Variants in THBS2 observed in about 807,000 individuals in gnomAD.
THBS2 encodes the protein thrombospondin-2.
THBS2 carries 47 observed loss-of-function variants against 135.2 expected under a neutral mutation model. The observed-to-expected ratio is 0.35, with a 90% CI of 0.28 to 0.44. The LOEUF (loss-of-function observed/expected upper bound fraction) is 0.44. Among genes scored for constraint, THBS2 ranks in the 20% least tolerant of loss-of-function variants. The probability of loss-of-function intolerance (pLI) is 1.00; values close to 1 mark genes in which losing one functional copy is unlikely to be tolerated. For missense variants in THBS2, 1,288 were observed against 1,603.1 expected, an observed-to-expected ratio of 0.80 and a Z score of 3.36; for synonymous variants, 639 against 633.8, an observed-to-expected ratio of 1.01 and a Z score of -0.12.
intron 20 of THBS2, 31 bp downstream of exon 20, chr6:169,221,399 A>G: frequency 5.0e-6 from 8 of 1,601,622 alleles, no homozygotes; most frequent in Non-Finnish European, 6.8e-6. Context: ...AGCCCCTTGG[A>G]AGAAATGCAG....
rs754701790 is a variant in THBS2, at chr6:169,237,222, A to G, written c.1425T>C (p.Asn475=). 1 of 1,612,986 alleles carries G rather than the reference A, an allele frequency of 6.2e-7. No homozygotes were observed. Among genetic ancestry groups the G allele is most frequent in the Non-Finnish European group, 8.5e-7 (1 of 1,179,976 alleles). The part of the protein sequence containing the change: ...NSPVPQMGGK[N]CKGSGRETKA... ...TGGTCTCCCGGCCACTCCCTTTGCA[A>G]TTCTTGCCCCCCATCTGGGGCACTG... The change falls in exon 9 of 22, where the codon AAT becomes AAC. Residue 475 remains asparagine (N), a synonymous_variant. Transcript: ENST00000617924.
In THBS2 at chr6:169,217,440, G is replaced by A. The variant is rs1779215301; in HGVS notation, c.*382C>T. The stretch of plus-strand genomic sequence containing the variant: ...TTTTCATGCTTAATTTATCATAATG[G>A]CTTATGCACAGTATTCCCTTCAACT... On this transcript the variant is annotated 3_prime_UTR_variant, in exon 22 of 22. Coordinates refer to ENST00000617924, the MANE Select transcript of THBS2 (RefSeq NM_003247.5). 1 of 218,120 alleles carries A rather than the reference G, an allele frequency of 4.6e-6. No homozygotes were observed. The highest frequency in any genetic ancestry group is 2.3e-5 in the African/African-American group (1 of 44,160). 13.5% of individuals were successfully genotyped at this position (218,120 alleles called of 1,614,324 possible). A position where few individuals can be genotyped will look rare whatever the true frequency, so the allele number is the denominator to read the frequency against.
intron 12 of THBS2, 101 bp downstream of exon 12, chr6:169,232,563 G>C: frequency 6.6e-7 from 1 of 1,511,290 alleles, no homozygotes; most frequent in East Asian, 2.3e-5. Flanking sequence ...CCTCTCCCGG[G>C]CCACGCCACC....
chr6:169,229,693 A>G lies in THBS2; in HGVS notation c.2152-14T>C. On this transcript the variant is annotated splice_polypyrimidine_tract_variant and intron_variant, in intron 13 of 21. Transcript: ENST00000617924. Reference sequence around the variant, plus strand: ...GGGGCAGTTATCCTGCAATTGGAGAAGGAAGAATACTTGGAAAAACATTTA... The same window carrying G: ...GGGGCAGTTATCCTGCAATTGGAGAGGGAAGAATACTTGGAAAAACATTTA... 5.6e-6 allele frequency: 9 copies of G among 1,600,364 alleles called. No homozygotes were observed. The highest frequency in any genetic ancestry group is 7.7e-6 in the Non-Finnish European group (9 of 1,167,718).
rs1477272464 is a variant in THBS2 at position 169,241,002 on chromosome 6, G to A, written c.892-410C>T. Among the ~76,000 whole-genome samples, 8 of 150,020 alleles carry A rather than the reference G, an allele frequency of 5.3e-5. No homozygotes were observed. The highest frequency in any genetic ancestry group is 2.0e-4 in the African/African-American group (8 of 39,644). The stretch of plus-strand genomic sequence containing the variant: ...TGCCCTCGCCACCCTCCCTGCCCCG[G>A]TCTCCTGCCATCGACCCCCTCCCTG... On this transcript the variant is annotated intron_variant, in intron 5 of 21. Coordinates refer to ENST00000617924, the MANE Select transcript of THBS2 (RefSeq NM_003247.5). This position sits in a 1 kb window ranked among gnomAD's most constrained non-coding sequence, Gnocchi z 5.5.
At position 169,231,870 on chromosome 6, in the gene THBS2, C is replaced by CCGTTG. The variant is rs1554245893; in HGVS notation, c.2151+109_2151+110insCAACG. 28 of 1,222,812 alleles carry CCGTTG rather than the reference C, an allele frequency of 2.3e-5. No individual in the cohort carries two copies. The East Asian group carries it at 5.3e-4, about 23-fold the overall frequency. 75.7% of individuals were successfully genotyped at this position (1,222,812 alleles called of 1,614,324 possible). ...TCAGGCAAGAGGCCTGAGAGACCCTCCTTCCAAATTCCCTGTGCTGCCCCC... is the reference window on the plus strand; with the variant it reads ...TCAGGCAAGAGGCCTGAGAGACCCTCCGTTGCTTCCAAATTCCCTGTGCTGCCCCC... On this transcript the variant is annotated intron_variant, in intron 13 of 21. Coordinates refer to ENST00000617924, the MANE Select transcript of THBS2 (RefSeq NM_003247.5).
At chr6:169,250,706 G>C in intron 2 of THBS2, 27 bp downstream of exon 2, 1 of 1,608,560 alleles carries the variant, frequency 6.2e-7, no homozygotes, top group Non-Finnish European at 8.5e-7. Context: ...AAGCCAGAGA[G>C]AGACCACAGG....
chr6:169,248,336 G>C, intron 3 of THBS2, 81 bp downstream of exon 3: 3 of 1,463,680 alleles, frequency 2.0e-6, no homozygotes, highest in Non-Finnish European at 9.2e-7. Context: ...CTCAAGCATC[G>C]CATCACCAGA....
In THBS2 at chr6:169,228,228, C is replaced by T. The variant is rs966084778; in HGVS notation, c.2313G>A (p.Glu771=). The change falls in exon 15 of 22, where the codon GAG becomes GAA. Residue 771 remains glutamate, a synonymous_variant. Coordinates refer to ENST00000617924, the MANE Select transcript of THBS2 (RefSeq NM_003247.5). ...NPRQADYDKD[E]VGDRCDNCPY... ...GGCAGTTGTCACAGCGGTCCCCAAC[C>T]TCATCCTTGTCATAGTCAGCCTGGC... 28 of 1,614,124 alleles carry T rather than the reference C, an allele frequency of 1.7e-5. No individual in the cohort carries two copies. The highest frequency in any genetic ancestry group is 2.4e-5 in the Non-Finnish European group (28 of 1,180,054).
chr6:169,223,506 C>T (rs756724195), intron 17 of THBS2, 31 bp from the exon 18 acceptor site: 1 of 1,598,890 alleles, frequency 6.3e-7, no homozygotes, highest in Non-Finnish European at 8.6e-7. Context: ...AAAACAAAAA[C>T]AAAAACAAAG....
chr6:169,224,265 C>T (rs9717616), intron 17 of THBS2, among the ~76,000 whole-genome samples: 3,625 of 152,356 alleles, frequency 0.024, 144 homozygotes, highest in African/African-American at 0.082. Context: ...TTCTGAAATG[C>T]TGAAATGCTG....
At chr6:169,236,503 TC>T (rs1232890656) in intron 9 of THBS2, among the ~76,000 whole-genome samples, 1 of 92,980 alleles carries the variant, frequency 1.1e-5, no homozygotes, top group Admixed American at 1.1e-4. Flanking sequence ...CCACATTCAC[TC>T]CCATCTACAC....
At chr6:169,253,542 G>A (rs978976731) in intron 1 of THBS2, among the ~76,000 whole-genome samples, 182 bp downstream of exon 1, 3 of 152,330 alleles carry the variant, frequency 2.0e-5, no homozygotes, top group Admixed American at 6.5e-5. Flanking sequence ...CTCTTCAAGC[G>A]GGCAGTAGAA....
Position 169,217,026 on chromosome 6 carries a change from C to T in THBS2, c.*796G>A, listed in dbSNP as rs1779196185. 6.6e-6 allele frequency: 1 copy of T among 152,240 alleles called. No homozygotes were observed. Among genetic ancestry groups the T allele is most frequent in the Non-Finnish European group, 1.5e-5 (1 of 68,046 alleles). The allele number at this position is 152,240 out of a possible 1,614,324, so 9.4% of individuals were successfully genotyped here. A position where few individuals can be genotyped will look rare whatever the true frequency, so the allele number is the denominator to read the frequency against. On this transcript the variant is annotated 3_prime_UTR_variant, in exon 22 of 22. Transcript: ENST00000617924. ...CTCCCCGACGCCACAGCGGCACAAG[C>T]AGCAGCTAAAGCACCGCACTTTGCT... is the stretch of plus-strand genomic sequence containing the variant.
intron 16 of THBS2, 45 bp from the exon 17 acceptor site, chr6:169,225,424 G>C (rs1255086326): frequency 6.5e-7 from 1 of 1,530,626 alleles, no homozygotes. Flanking sequence ...CTGCCAGTTT[G>C]AGGAGGTGGA....
In THBS2 at chr6:169,223,305, G is replaced by A. The variant is rs774336595; in HGVS notation, c.2944C>T (p.Arg982Cys). ...TTQIDPNWVI[R>C]HQGKELVQTA... ...TGAACCAGCTCCTTGCCTTGATGGC[G>A]AATGACCCAGTTGGGATCAATTTGG... The change falls in exon 18 of 22, where the codon CGC becomes TGC. Residue 982 changes from arginine (R) to cysteine (C), a missense_variant. Around this residue, in one of 2 missense-constraint regions of THBS2, gnomAD observed 874 missense variants for 1,156.1 expected, o/e 0.76. Transcript: ENST00000617924. 5 of 1,614,140 alleles carry A rather than the reference G, an allele frequency of 3.1e-6. No individual in the cohort carries two copies. The highest frequency in any genetic ancestry group is 2.2e-5 in the East Asian group (1 of 44,880).
intron 9 of THBS2, among the ~76,000 whole-genome samples, chr6:169,235,284 A>G (rs562210473): frequency 6.6e-6 from 1 of 151,924 alleles, no homozygotes; most frequent in East Asian, 1.9e-4. Context: ...AGCCTCCCAC[A>G]GTGCTGGGAT....
chr6:169,236,491 C>CTCCA (rs150040305), intron 9 of THBS2, among the ~76,000 whole-genome samples: 52,275 of 87,638 alleles, frequency 0.6, 17,736 homozygotes, highest in East Asian at 0.77. Flanking sequence ...CACACTCACT[C>CTCCA]TCCACATTCA....
At chr6:169,239,140 A>C (rs972252491) in intron 7 of THBS2, 1 of 155,716 alleles carries the variant, frequency 6.4e-6, no homozygotes, top group Admixed American at 6.3e-5. Flanking sequence ...TCTGTTCCTT[A>C]GAATGTATTT....
Sources: gnomAD v4.1 joint callset for allele counts (sites outside exome capture counted in the v4.1 genomes callset) on GRCh38, gnomAD v4.1.1 for gene constraint, gnomAD v4.1.1 regional missense constraint, Gnocchi (gnomAD v3.1) non-coding constraint, MANE v1.5 for transcripts, NCBI Gene and HGNC (gene_info 2026-07-23, HGNC 2026-07-21) for gene names.